RREB1: variants seen among roughly 807,000 people sequenced by gnomAD.
The protein encoded by RREB1 is ras responsive element binding protein 1, also known as ras-responsive element-binding protein 1.
RREB1 carries 27 observed loss-of-function variants against 117.8 expected under a neutral mutation model. That is an observed-to-expected ratio of 0.23 (90% CI 0.17 to 0.32). RREB1 has a LOEUF of 0.32. Among genes scored for constraint, RREB1 ranks in the 10% least tolerant of loss-of-function variants. The pLI, the probability that RREB1 is intolerant of heterozygous loss-of-function variation, is 1.00. For synonymous variants in RREB1, 1,298 were observed against 1,026.7 expected (o/e 1.26, Z -5.05); for missense variants, 2,577 against 2,378.2 (o/e 1.08, Z -1.74).
chr6:7,166,505 G>A (rs1356599435), intron 1 of RREB1, among the ~76,000 whole-genome samples: 3 of 152,218 alleles, frequency 2.0e-5, no homozygotes, highest in Admixed American at 1.3e-4. Context: ...TGCAGCTCCT[G>A]GGAGCTGGGC....
chr6:7,107,778 G>A (rs373471626), upstream of RREB1: 10 of 155,916 alleles, frequency 6.4e-5, no homozygotes, highest in East Asian at 3.8e-4. Flanking sequence ...GGTGAGAGGG[G>A]GAGAGCGAGA....
At chr6:7,118,196 C>G (rs989447441) in intron 1 of RREB1, among the ~76,000 whole-genome samples, 1 of 152,180 alleles carries the variant, frequency 6.6e-6, no homozygotes, top group Admixed American at 6.5e-5. Context: ...TCTCAGCTCA[C>G]TGCAACCTCC....
intron 6 of RREB1, among the ~76,000 whole-genome samples, chr6:7,204,929 A>G (rs1368729110): frequency 6.6e-6 from 1 of 152,198 alleles, no homozygotes; most frequent in Admixed American, 6.5e-5. Flanking sequence ...GAGTTTCCCA[A>G]AGGATTTTGC....
intron 6 of RREB1, among the ~76,000 whole-genome samples, chr6:7,194,792 T>C (rs1350295628): frequency 1.3e-5 from 2 of 152,212 alleles, no homozygotes; most frequent in Admixed American, 6.5e-5. Flanking sequence ...CAGTGTACTA[T>C]GGACATGCCC....
At chr6:7,241,309 C>T (rs544290604) in intron 11 of RREB1, among the ~76,000 whole-genome samples, 1 of 152,258 alleles carries the variant, frequency 6.6e-6, no homozygotes, top group South Asian at 2.1e-4. Context: ...TATCAGTACA[C>T]TCCATCCGCT....
Position 7,249,101 on chromosome 6 carries a change from G to GAGAGAGAGACAGACAGACAGAC in RREB1, c.*136_*137insGAGAGACAGACAGACAGACAGA, listed in dbSNP as rs1561812153. On this transcript the variant is annotated 3_prime_UTR_variant, in exon 13 of 13. Transcript: ENST00000379938. ...AGAGAGAGAGAGAGAGAGAGAGAGA[G>GAGAGAGAGACAGACAGACAGAC]AGACAAGCAGGAGCGTGGCTGCTCG... The GAGAGAGAGACAGACAGACAGAC allele has an allele frequency of 1.2e-5, 7 of 591,898 alleles. No homozygotes were observed. In the African/African-American group the frequency reaches 1.4e-4, roughly 12 times the overall value. The allele number at this position is 591,898 out of a possible 1,614,324, so 36.7% of individuals were successfully genotyped here.
At chr6:7,189,109 G>A (rs751985170) in intron 5 of RREB1, 50 bp from the exon 6 acceptor site, 1 of 1,543,220 alleles carries the variant, frequency 6.5e-7, no homozygotes, top group Admixed American at 1.9e-5. Flanking sequence ...TAAGAGCTGA[G>A]CTTCTGATGC....
At chr6:7,235,074 C>CAT (rs1232762201) in intron 10 of RREB1, among the ~76,000 whole-genome samples, 1 of 152,234 alleles carries the variant, frequency 6.6e-6, no homozygotes, top group Non-Finnish European at 1.5e-5. Context: ...TAGCCACATG[C>CAT]ATAGACACTG....
At position 7,231,540 on chromosome 6, in the gene RREB1, G is replaced by A. The variant is rs985604890; in HGVS notation, c.3441G>A (p.Ala1147=). The part of the protein sequence containing the change: ...EAASPTEQGP[A]GTSKKRGRKR... ...CCTCTCCCACCGAGCAGGGCCCAGCGGGCACGTCGAAGAAGAGGGGCCGGA... is the reference window on the plus strand; with the variant it reads ...CCTCTCCCACCGAGCAGGGCCCAGCAGGCACGTCGAAGAAGAGGGGCCGGA... The change falls in exon 10 of 13, where the codon GCG becomes GCA. Residue 1147 remains alanine (A), a synonymous_variant. Transcript: ENST00000379938. The A allele has an allele frequency of 1.3e-5, 21 of 1,608,956 alleles. No individual in the cohort carries two copies. Among genetic ancestry groups the A allele is most frequent in the Middle Eastern group, 1.7e-4 (1 of 6,034 alleles).
At chr6:7,176,499 GA>G (rs1426885673) in intron 1 of RREB1, among the ~76,000 whole-genome samples, 155 bp from the exon 2 acceptor site, 4 of 152,198 alleles carry the variant, frequency 2.6e-5, no homozygotes, top group Non-Finnish European at 5.9e-5. Flanking sequence ...GACAACTCTG[GA>G]TGGAATCAGC....
intron 6 of RREB1, among the ~76,000 whole-genome samples, chr6:7,203,610 C>G (rs1279861214): frequency 6.6e-6 from 1 of 152,116 alleles, no homozygotes; most frequent in African/African-American, 2.4e-5. Flanking sequence ...TGAGAGTCCA[C>G]CAAAGCGTTT....
At chr6:7,141,786 CG>C (rs1177862036) in intron 1 of RREB1, among the ~76,000 whole-genome samples, 2 of 152,198 alleles carry the variant, frequency 1.3e-5, no homozygotes, top group African/African-American at 2.4e-5. Context: ...CTGGAAGGAG[CG>C]GGGCGTGTGT....
Position 7,123,181 on chromosome 6 carries a change from A to G in RREB1, c.-285+15121A>G, listed in dbSNP as rs149734999. On this transcript the variant is annotated intron_variant, in intron 1 of 12. Coordinates refer to ENST00000379938, the MANE Select transcript of RREB1 (RefSeq NM_001003699.4). ...GAATGTGTTTTTTTTTTTTGGAGAC[A>G]GAGTCTCACTCTGTTGCCCAGGCTG... 1.4e-3 allele frequency among the ~76,000 whole-genome samples: 208 copies of G among 151,442 alleles called. 2 individuals are homozygous for G. Among genetic ancestry groups the G allele is most frequent in the African/African-American group, 4.8e-3 (197 of 41,284 alleles).
chr6:7,127,315 C>G (rs1761981754), intron 1 of RREB1, among the ~76,000 whole-genome samples: 1 of 152,010 alleles, frequency 6.6e-6, no homozygotes, highest in South Asian at 2.1e-4. Flanking sequence ...GTTTAGCAAA[C>G]TGCAGTGTGA....
At chr6:7,246,288 T>G in intron 11 of RREB1, 136 bp from the exon 12 acceptor site, 1 of 692,854 alleles carries the variant, frequency 1.4e-6, no homozygotes, top group Non-Finnish European at 2.2e-6. Context: ...GTGGTGAGGA[T>G]TTGGGCCGAA....
At position 7,244,663 on chromosome 6, in the gene RREB1, C is replaced by G. The variant is rs963603120; in HGVS notation, c.3974-1761C>G. 2.0e-4 allele frequency among the ~76,000 whole-genome samples: 31 copies of G among 152,178 alleles called. 1 individual carries two copies. Among genetic ancestry groups the G allele is most frequent in the Non-Finnish European group, 2.9e-5 (2 of 68,016 alleles). On this transcript the variant is annotated intron_variant, in intron 11 of 12. Transcript: ENST00000379938. ...TATATTCACACCATAATATTTCTTT[C>G]TGAAACCTCTTGAGATACCCAAACA... is the stretch of plus-strand genomic sequence containing the variant.
At chr6:7,172,314 G>A (rs1407508294) in intron 1 of RREB1, among the ~76,000 whole-genome samples, 4 of 152,022 alleles carry the variant, frequency 2.6e-5, no homozygotes, top group Admixed American at 1.3e-4. Flanking sequence ...AGAGGAGGCC[G>A]ACATATATAT....
intron 1 of RREB1, among the ~76,000 whole-genome samples, chr6:7,147,969 T>C (rs1762948678): frequency 6.6e-6 from 1 of 152,166 alleles, no homozygotes; most frequent in Non-Finnish European, 1.5e-5. Context: ...CCAATTACCA[T>C]TGTGGATATA....
At chr6:7,112,595 C>G (rs1761198475) in intron 1 of RREB1, among the ~76,000 whole-genome samples, 1 of 152,020 alleles carries the variant, frequency 6.6e-6, no homozygotes, top group Admixed American at 6.6e-5. Context: ...TACCTTATAT[C>G]AAAGGTAAAA....
Sources: allele counts gnomAD v4.1 joint callset (sites outside exome capture counted in the v4.1 genomes callset), GRCh38; gene constraint gnomAD v4.1.1; transcripts MANE v1.5; gene names NCBI Gene and HGNC (gene_info 2026-07-23, HGNC 2026-07-21).